The following TRHR variants were observed in gnomAD, a reference collection of about 807,000 sequenced individuals.
The protein encoded by TRHR is thyrotropin-releasing hormone receptor.
In TRHR, 14 loss-of-function variants were observed where a neutral mutation model predicts 28.0. That is an observed-to-expected ratio of 0.50 (90% confidence interval 0.33 to 0.78). The LOEUF is 0.78. TRHR is among the 30% of genes least tolerant of loss of function. The pLI is 0.02. For synonymous variants in TRHR, 176 were observed against 171.9 expected, an observed-to-expected ratio of 1.02 and a Z score of -0.18; for missense variants, 438 against 469.5, an observed-to-expected ratio of 0.93 and a Z score of 0.62.
intron 2 of TRHR, among the ~76,000 whole-genome samples, chr8:109,097,579 G>A (rs1238501461): frequency 6.6e-6 from 1 of 152,170 alleles, no homozygotes; most frequent in East Asian, 1.9e-4. Context: ...GAAGAGACAA[G>A]AAAGTGGTAC....
intron 2 of TRHR, among the ~76,000 whole-genome samples, chr8:109,099,947 G>A (rs1297236736): frequency 1.3e-5 from 2 of 152,172 alleles, no homozygotes. Context: ...TAGAAAATAA[G>A]GAAGTGGCTC....
intron 2 of TRHR, among the ~76,000 whole-genome samples, chr8:109,093,646 C>T (rs369006741): frequency 5.3e-5 from 8 of 151,878 alleles, no homozygotes; most frequent in South Asian, 2.1e-4. Flanking sequence ...CCTCACGATC[C>T]GCCAGCCTTG....
chr8:109,106,536 G>GA (rs1199049158), intron 2 of TRHR, among the ~76,000 whole-genome samples: 6 of 151,962 alleles, frequency 3.9e-5, no homozygotes, highest in African/African-American at 1.4e-4. Flanking sequence ...ACTGTTCCCC[G>GA]AAAAAATTTT....
At chr8:109,111,727 T>C (rs888407747) in intron 2 of TRHR, among the ~76,000 whole-genome samples, 4 of 152,194 alleles carry the variant, frequency 2.6e-5, no homozygotes, top group African/African-American at 9.6e-5. Context: ...GTGTCAGGCA[T>C]ATGTACTAAA....
intron 2 of TRHR, among the ~76,000 whole-genome samples, chr8:109,110,319 A>C (rs969012548): frequency 6.6e-6 from 1 of 152,178 alleles, no homozygotes; most frequent in Non-Finnish European, 1.5e-5. Flanking sequence ...TAGGAGTTCA[A>C]GTTTACAGTG....
At position 109,119,687 on chromosome 8, in the gene TRHR, G is replaced by A; in HGVS notation, c.*232G>A. The A allele has an allele frequency of 8.1e-6, 4 of 493,848 alleles. No homozygotes were observed. The highest frequency in any genetic ancestry group is 3.5e-5 in the South Asian group (1 of 28,588). The allele number at this position is 493,848 out of a possible 1,614,324, so 30.6% of individuals were successfully genotyped here. A position where few individuals can be genotyped will look rare whatever the true frequency, so the allele number is the denominator to read the frequency against. On this transcript the variant is annotated 3_prime_UTR_variant, in exon 3 of 3. Coordinates refer to ENST00000518632, the MANE Select transcript of TRHR (RefSeq NM_003301.7). ...CAGATCTGTGAAATAGCTAAATGAT[G>A]GAAACTTAAAGTTTAGCCCTTTTCA...
chr8:109,119,540 T>C lies in TRHR; in HGVS notation c.*85T>C, dbSNP rs1355970193. 1.1e-5 allele frequency: 16 copies of C among 1,502,314 alleles called. No homozygotes were observed. Among genetic ancestry groups the C allele is most frequent in the Middle Eastern group, 3.6e-4 (2 of 5,568 alleles). The allele number at this position is 1,502,314 out of a possible 1,614,324, so 93.1% of individuals were successfully genotyped here. A position where few individuals can be genotyped will look rare whatever the true frequency, so the allele number is the denominator to read the frequency against. On this transcript the variant is annotated 3_prime_UTR_variant, in exon 3 of 3. Transcript: ENST00000518632. The stretch of plus-strand genomic sequence containing the variant: ...AAAGGGAGAACATGGCCAATAGTCA[T>C]ATGTGAAGACAGAGCAGATCAGTCT...
intron 2 of TRHR, among the ~76,000 whole-genome samples, chr8:109,115,312 C>T (rs976196347): frequency 2.6e-5 from 4 of 152,084 alleles, no homozygotes; most frequent in Non-Finnish European, 4.4e-5. Flanking sequence ...TTTTTTGGTT[C>T]CATGTGAACT....
In TRHR at chr8:109,087,799, T is replaced by G; in HGVS notation, c.287T>G (p.Val96Gly). The G allele has an allele frequency of 6.2e-7, 1 of 1,614,196 alleles. No homozygotes were observed. Among genetic ancestry groups the G allele is most frequent in the Non-Finnish European group, 8.5e-7 (1 of 1,180,038 alleles). The change falls in exon 2 of 3, where the codon GTT becomes GGT. Residue 96 changes from valine to glycine, a missense_variant. Physicochemically the swap from Val to Gly is moderately radical, Grantham distance 109. Transcript: ENST00000518632. The stretch of plus-strand genomic sequence containing the variant: ...TACGGTTCCTGGGTCTATGGCTATG[T>G]TGGATGCCTCTGCATTACTTACCTC... ...SIYGSWVYGY[V>G]GCLCITYLQY...
intron 2 of TRHR, among the ~76,000 whole-genome samples, chr8:109,104,409 T>C (rs1464829717): frequency 6.6e-6 from 1 of 152,150 alleles, no homozygotes; most frequent in Non-Finnish European, 1.5e-5. Context: ...AAGTAAAACA[T>C]CTTGGTAAAG....
intron 2 of TRHR, among the ~76,000 whole-genome samples, chr8:109,111,118 C>T (rs1811825729): frequency 6.6e-6 from 1 of 152,128 alleles, no homozygotes; most frequent in East Asian, 1.9e-4. Context: ...CACCACTGCA[C>T]TCCAGCCTGG....
At chr8:109,093,400 CTTTTTTTTTTTTT>C (rs34645119) in intron 2 of TRHR, among the ~76,000 whole-genome samples, 2 of 77,394 alleles carry the variant, frequency 2.6e-5, no homozygotes, top group East Asian at 7.9e-4. Context: ...GTGCTATTTA[CTTTTTTTTTTTTT>C]TTTTTTTTTT....
chr8:109,109,716 T>C (rs1245550180), intron 2 of TRHR, among the ~76,000 whole-genome samples: 1 of 152,146 alleles, frequency 6.6e-6, no homozygotes, highest in Non-Finnish European at 1.5e-5. Context: ...CTGAGAAATG[T>C]TGGTGCAACT....
chr8:109,089,086 C>T (rs1811487079), intron 2 of TRHR, among the ~76,000 whole-genome samples: 1 of 151,992 alleles, frequency 6.6e-6, no homozygotes, highest in Non-Finnish European at 1.5e-5. Flanking sequence ...GAACCAAGTG[C>T]AAAACTTTGT....
chr8:109,087,504 C>T lies in TRHR; in HGVS notation c.-9C>T. 1 of 1,614,112 alleles carries T rather than the reference C, an allele frequency of 6.2e-7. No individual in the cohort carries two copies. Among genetic ancestry groups the T allele is most frequent in the Non-Finnish European group, 8.5e-7 (1 of 1,180,024 alleles). On this transcript the variant is annotated 5_prime_UTR_variant, in exon 2 of 3. Coordinates refer to ENST00000518632, the MANE Select transcript of TRHR (RefSeq NM_003301.7). ...GTCAGTGTTTCCGAGAAACTTTAAG[C>T]TTCTAAAGATGGAAAACGAGACAGT...
At position 109,115,713 on chromosome 8, in the gene TRHR, C is replaced by T. The variant is rs1441314693; in HGVS notation, c.790-3335C>T. Reference sequence around the variant, plus strand: ...AGCTTCAGGAGATTTTGGGCTGAGACGATGGGGTTTTCTAAATATACAATC... The same window carrying T: ...AGCTTCAGGAGATTTTGGGCTGAGATGATGGGGTTTTCTAAATATACAATC... On this transcript the variant is annotated intron_variant, in intron 2 of 2. Transcript: ENST00000518632. Among the ~76,000 whole-genome samples the T allele has an allele frequency of 6.6e-5, 10 of 152,044 alleles. No individual in the cohort carries two copies. In the East Asian group the frequency reaches 7.7e-4, roughly 12 times the overall value.
rs138276559 is a variant in TRHR, at chr8:109,105,458, C to T, written c.790-13590C>T. 3.3e-3 allele frequency among the ~76,000 whole-genome samples: 510 copies of T among 152,264 alleles called. 2 individuals carry two copies. Among genetic ancestry groups the T allele is most frequent in the African/African-American group, 0.012 (479 of 41,554 alleles). On this transcript the variant is annotated intron_variant, in intron 2 of 2. Coordinates refer to ENST00000518632, the MANE Select transcript of TRHR (RefSeq NM_003301.7). ...AAAAATATGTTGAATACTTGCACAT[C>T]TCTGAATCCCGAGTACTCTTTTAGA... is the stretch of plus-strand genomic sequence containing the variant.
chr8:109,096,359 T>C (rs1326351653), intron 2 of TRHR, among the ~76,000 whole-genome samples: 1 of 152,340 alleles, frequency 6.6e-6, no homozygotes, highest in Non-Finnish European at 1.5e-5. Context: ...CCTAACTACA[T>C]ATATGTTAGG....
chr8:109,116,319 A>G (rs1811921039), intron 2 of TRHR, among the ~76,000 whole-genome samples: 1 of 152,120 alleles, frequency 6.6e-6, no homozygotes, highest in Non-Finnish European at 1.5e-5. Flanking sequence ...GGCCTCATAA[A>G]ATGGATTAGG....
Sources: gnomAD v4.1 joint callset for allele counts (sites outside exome capture counted in the v4.1 genomes callset) on GRCh38, gnomAD v4.1.1 for gene constraint, MANE v1.5 for transcripts, NCBI Gene and HGNC (gene_info 2026-07-23, HGNC 2026-07-21) for gene names.